FAIM2: variants seen among roughly 807,000 people sequenced by gnomAD.
The protein encoded by FAIM2 is protein lifeguard 2.
Under a neutral mutation model 47.4 loss-of-function variants are expected in FAIM2, and 27 were observed. The ratio of observed to expected loss-of-function variants is 0.57; its 90% CI spans 0.42 to 0.78. FAIM2 has a LOEUF of 0.78. Among genes scored for constraint, FAIM2 ranks in the 30% least tolerant of loss-of-function variants. FAIM2 has a pLI of 0.00. For synonymous variants in FAIM2, 156 were observed against 159.3 expected (o/e 0.98, Z 0.16); for missense variants, 311 against 389.4 (o/e 0.80, Z 1.69).
chr12:49,891,175 C>G, intron 5 of FAIM2, 61 bp from the exon 6 acceptor site: 1 of 1,512,564 alleles, frequency 6.6e-7, no homozygotes, highest in South Asian at 1.1e-5. Flanking sequence ...CCCCCAAGAT[C>G]CCCTGCTTAT....
In FAIM2 at chr12:49,874,299, C is replaced by T. The variant is rs1448206764; in HGVS notation, c.802-3646G>A. ...CAACACTTGATCTCATCTCCCTCTCCCCATTTGCCCTGGGAGGTGGGCGTC... is the reference window on the plus strand; with the variant it reads ...CAACACTTGATCTCATCTCCCTCTCTCCATTTGCCCTGGGAGGTGGGCGTC... On this transcript the variant is annotated intron_variant, in intron 11 of 11. Coordinates refer to ENST00000320634, the MANE Select transcript of FAIM2 (RefSeq NM_012306.4). This position sits in a 1 kb window ranked among gnomAD's most constrained non-coding sequence, Gnocchi z 4.2. Among the ~76,000 whole-genome samples, 1 of 152,166 alleles carries T rather than the reference C, an allele frequency of 6.6e-6. No individual in the cohort carries two copies. Among genetic ancestry groups the T allele is most frequent in the Non-Finnish European group, 1.5e-5 (1 of 68,030 alleles).
Position 49,874,782 on chromosome 12 carries a change from AC to A in FAIM2, c.802-4130del, listed in dbSNP as rs1170508465. Among the ~76,000 whole-genome samples, 1 of 152,070 alleles carries A rather than the reference AC, an allele frequency of 6.6e-6. No homozygotes were observed. Among genetic ancestry groups the A allele is most frequent in the Non-Finnish European group, 1.5e-5 (1 of 68,026 alleles). On this transcript the variant is annotated intron_variant, in intron 11 of 11. Coordinates refer to ENST00000320634, the MANE Select transcript of FAIM2 (RefSeq NM_012306.4). The surrounding 1 kb of genome is among the most constrained non-coding windows in gnomAD (Gnocchi z 4.2). ...GCCAGTGTGAGGGCGTGTGGAGGCA[AC>A]CCCCAGGCTGTTGTTTACAGCATTG...
intron 11 of FAIM2, among the ~76,000 whole-genome samples, chr12:49,884,969 G>C (rs112789089): frequency 6.6e-6 from 1 of 151,840 alleles, no homozygotes; most frequent in Non-Finnish European, 1.5e-5. Context: ...GTGAGACTCC[G>C]TCTCAAAAAA....
At chr12:49,892,047 C>T (rs1347776309) in intron 5 of FAIM2, among the ~76,000 whole-genome samples, 2 of 152,128 alleles carry the variant, frequency 1.3e-5, no homozygotes, top group Admixed American at 6.6e-5. Context: ...TTCCTCGGTT[C>T]TCTCACCCAT....
intron 5 of FAIM2, among the ~76,000 whole-genome samples, chr12:49,894,984 A>T (rs748535551): frequency 2.0e-5 from 3 of 152,146 alleles, no homozygotes; most frequent in Non-Finnish European, 2.9e-5. Flanking sequence ...GATGTGTTGC[A>T]GGAGGTGAGA....
chr12:49,878,800 A>ATGTGAGTCTGTGTATG (rs796913911), intron 11 of FAIM2, among the ~76,000 whole-genome samples: 1 of 78,562 alleles, frequency 1.3e-5, no homozygotes, highest in Non-Finnish European at 2.2e-5. Context: ...CTGTGTGTAT[A>ATGTGAGTCTGTGTATG]TGTGTGCATG....
intron 1 of FAIM2, 152 bp downstream of exon 1, chr12:49,903,626 C>T: frequency 1.9e-6 from 2 of 1,063,940 alleles, no homozygotes; most frequent in Non-Finnish European, 2.8e-6. Flanking sequence ...TGACACCGGC[C>T]TTTCGGTCCT....
At chr12:49,880,648 ATC>A (rs1476417421) in intron 11 of FAIM2, among the ~76,000 whole-genome samples, 2 of 149,280 alleles carry the variant, frequency 1.3e-5, no homozygotes, top group African/African-American at 5.0e-5. Flanking sequence ...ATGCATGTGT[ATC>A]TGTGAGTGCA....
chr12:49,891,647 C>T (rs974823184), intron 5 of FAIM2, among the ~76,000 whole-genome samples: 2 of 152,124 alleles, frequency 1.3e-5, no homozygotes, highest in Admixed American at 1.3e-4. Context: ...CCCTTCTCAA[C>T]CCTTATCATT....
intron 11 of FAIM2, among the ~76,000 whole-genome samples, chr12:49,881,577 C>T (rs1245826811): frequency 2.0e-5 from 3 of 152,150 alleles, no homozygotes. Context: ...CACCTCATTC[C>T]CTGCCCCATC....
chr12:49,899,152 TCCTGGG>T (rs1176933003), intron 2 of FAIM2, among the ~76,000 whole-genome samples: 1 of 152,122 alleles, frequency 6.6e-6, no homozygotes, highest in Non-Finnish European at 1.5e-5. Flanking sequence ...GATACCCACC[TCCTGGG>T]CCTATAAACA....
chr12:49,902,470 G>A (rs538247718), intron 1 of FAIM2: 1 of 152,304 alleles, frequency 6.6e-6, no homozygotes, highest in East Asian at 1.9e-4. Context: ...TTCCATCCAG[G>A]CCCAAGGACC....
chr12:49,883,905 G>T (rs1946843007), intron 11 of FAIM2, among the ~76,000 whole-genome samples: 2 of 152,128 alleles, frequency 1.3e-5, no homozygotes, highest in Non-Finnish European at 2.9e-5. Context: ...CCTTTGACCT[G>T]GATGAGAGTG....
intron 11 of FAIM2, among the ~76,000 whole-genome samples, chr12:49,883,684 C>A (rs551364456): frequency 4.1e-4 from 62 of 152,132 alleles, no homozygotes; most frequent in Middle Eastern, 3.4e-3. Context: ...TGCCTGAGAC[C>A]CTGAGGGAGC....
intron 11 of FAIM2, among the ~76,000 whole-genome samples, chr12:49,884,778 T>C (rs297922): frequency 0.79 from 120,467 of 152,204 alleles, 48,378 homozygotes; most frequent in East Asian, 0.97. Flanking sequence ...ATCGAGACCA[T>C]CCTGGCTAAC....
chr12:49,888,621 C>A (rs1028539010), intron 10 of FAIM2, among the ~76,000 whole-genome samples: 1 of 152,136 alleles, frequency 6.6e-6, no homozygotes, highest in Non-Finnish European at 1.5e-5. Flanking sequence ...TGGCCGCCAG[C>A]TGGTGGATGC....
chr12:49,870,701 G>T, intron 11 of FAIM2, 48 bp from the exon 12 acceptor site: 5 of 1,599,662 alleles, frequency 3.1e-6, no homozygotes, highest in Non-Finnish European at 4.3e-6. Flanking sequence ...CCCAGGCAGT[G>T]TGACACTGAC....
At chr12:49,875,407 C>T (rs898291812) in intron 11 of FAIM2, among the ~76,000 whole-genome samples, 2 of 151,950 alleles carry the variant, frequency 1.3e-5, no homozygotes, top group South Asian at 2.1e-4. Flanking sequence ...CCAGGTGCGC[C>T]GACTGGGCTG....
At chr12:49,871,253 A>C (rs939848334) in intron 11 of FAIM2, among the ~76,000 whole-genome samples, 1 of 152,226 alleles carries the variant, frequency 6.6e-6, no homozygotes, top group African/African-American at 2.4e-5. Flanking sequence ...ACACAGCTGG[A>C]AAGTGGCAAA....
Sources: gnomAD v4.1 joint callset for allele counts (sites outside exome capture counted in the v4.1 genomes callset) on GRCh38, gnomAD v4.1.1 for gene constraint, Gnocchi (gnomAD v3.1) non-coding constraint, MANE v1.5 for transcripts, NCBI Gene and HGNC (gene_info 2026-07-23, HGNC 2026-07-21) for gene names.